The following CTIF variants were observed in gnomAD, a reference collection of about 807,000 sequenced individuals.
CTIF encodes cap binding complex dependent translation initiation factor, also known as CBP80/20-dependent translation initiation factor.
In CTIF, 21 loss-of-function variants were observed where a neutral mutation model predicts 66.0. That is an observed-to-expected ratio of 0.32 (90% CI 0.23 to 0.46). The LOEUF (loss-of-function observed/expected upper bound fraction) is 0.46. Among genes scored for constraint, CTIF ranks in the 20% least tolerant of loss-of-function variants. The pLI, the probability that CTIF is intolerant of heterozygous loss-of-function variation, is 1.00. For synonymous variants in CTIF, 345 were observed against 326.4 expected (o/e 1.06, Z -0.62); for missense variants, 739 against 812.7 (o/e 0.91, Z 1.10).
chr18:48,861,200 C>G lies in CTIF; in HGVS notation c.*1641C>G, dbSNP rs1394705080. On this transcript the variant is annotated 3_prime_UTR_variant, in exon 12 of 12. Transcript: ENST00000256413. ...CTCCAGCTTTCCCTGCAGCTGCAAC[C>G]TGCCCTCTGGTCCCAGGTGTGGAGC... 6.6e-6 allele frequency: 1 copy of G among 152,358 alleles called. No individual in the cohort carries two copies. The highest frequency in any genetic ancestry group is 1.5e-5 in the Non-Finnish European group (1 of 68,156). 9.4% of individuals were successfully genotyped at this position (152,358 alleles called of 1,614,324 possible).
intron 9 of CTIF, among the ~76,000 whole-genome samples, chr18:48,791,912 C>G (rs929104787): frequency 1.3e-5 from 2 of 152,154 alleles, no homozygotes; most frequent in African/African-American, 4.8e-5. Flanking sequence ...AAACTTTAGG[C>G]AACTTTGTTC....
chr18:48,549,801 C>T (rs1057040925), intron 1 of CTIF, among the ~76,000 whole-genome samples: 5 of 152,182 alleles, frequency 3.3e-5, no homozygotes, highest in South Asian at 2.1e-4. Flanking sequence ...CTGGTGCTTT[C>T]GCCTCATCTA....
At chr18:48,764,821 T>C (rs1252758062) in intron 9 of CTIF, among the ~76,000 whole-genome samples, 2 of 152,062 alleles carry the variant, frequency 1.3e-5, no homozygotes, top group African/African-American at 4.8e-5. Flanking sequence ...CCCTTGAGAG[T>C]ATAACCAGAG....
chr18:48,664,437 C>T lies in CTIF; in HGVS notation c.327-10C>T, dbSNP rs773595987. Reference sequence around the variant, plus strand: ...CTTGCCTCCGTTTCTCACCCTCCCTCGCCCTCTAGTGGTGCCACCTGGGAC... The same window carrying T: ...CTTGCCTCCGTTTCTCACCCTCCCTTGCCCTCTAGTGGTGCCACCTGGGAC... On this transcript the variant is annotated splice_polypyrimidine_tract_variant and intron_variant, in intron 4 of 11. Coordinates refer to ENST00000256413, the MANE Select transcript of CTIF (RefSeq NM_014772.3). 41 of 1,610,862 alleles carry T rather than the reference C, an allele frequency of 2.5e-5. No individual in the cohort carries two copies. Among genetic ancestry groups the T allele is most frequent in the East Asian group, 1.6e-4 (7 of 44,880 alleles).
chr18:48,725,862 A>G (rs1214644985), intron 7 of CTIF, among the ~76,000 whole-genome samples: 1 of 152,038 alleles, frequency 6.6e-6, no homozygotes, highest in Non-Finnish European at 1.5e-5. Context: ...GCAAACCCAC[A>G]TTTTGCCTCT....
At chr18:48,847,782 G>A (rs1352956714) in intron 10 of CTIF, among the ~76,000 whole-genome samples, 1 of 152,204 alleles carries the variant, frequency 6.6e-6, no homozygotes, top group African/African-American at 2.4e-5. Flanking sequence ...TGATTAAGTG[G>A]CATGCCAGGG....
chr18:48,654,933 T>C (rs763056501), intron 3 of CTIF, among the ~76,000 whole-genome samples: 15 of 151,600 alleles, frequency 9.9e-5, no homozygotes, highest in Admixed American at 7.2e-4. Flanking sequence ...ATGAGAACAC[T>C]TGGACACAGG....
At chr18:48,588,396 G>C (rs1398920147) in intron 1 of CTIF, among the ~76,000 whole-genome samples, 1 of 152,190 alleles carries the variant, frequency 6.6e-6, no homozygotes, top group African/African-American at 2.4e-5. Context: ...GCACCTGTGT[G>C]CTCCACACCA....
At chr18:48,844,441 A>AGCCCC (rs1012515323) in intron 10 of CTIF, among the ~76,000 whole-genome samples, 4 of 152,216 alleles carry the variant, frequency 2.6e-5, no homozygotes, top group African/African-American at 9.6e-5. Context: ...TTATATTTCC[A>AGCCCC]GCCCCCGGGC....
intron 6 of CTIF, among the ~76,000 whole-genome samples, chr18:48,692,098 T>G (rs1222932248): frequency 6.6e-6 from 1 of 152,182 alleles, no homozygotes; most frequent in African/African-American, 2.4e-5. Context: ...GCCAGGTTGG[T>G]CTCAAACTCC....
chr18:48,728,833 C>T (rs949811782), intron 7 of CTIF, among the ~76,000 whole-genome samples: 1 of 152,152 alleles, frequency 6.6e-6, no homozygotes, highest in Non-Finnish European at 1.5e-5. Flanking sequence ...TCCCTTCTGC[C>T]ATATTCCATT....
chr18:48,589,958 T>G (rs1675746392), intron 1 of CTIF, among the ~76,000 whole-genome samples: 1 of 152,254 alleles, frequency 6.6e-6, no homozygotes, highest in Non-Finnish European at 1.5e-5. Flanking sequence ...CCCTCACTGC[T>G]GGGTTGAGCT....
In CTIF at chr18:48,617,893, G is replaced by T. The variant is rs1160303026; in HGVS notation, c.-28-1645G>T. On this transcript the variant is annotated intron_variant, in intron 1 of 11. Transcript: ENST00000256413. ...AGGGGGCCCAGAGCGAGGCCCTGCA[G>T]CACCTCAGAGCTCCCTGCAGCAGGC... is the stretch of plus-strand genomic sequence containing the variant. Among the ~76,000 whole-genome samples the T allele has an allele frequency of 3.3e-5, 5 of 152,200 alleles. No individual in the cohort carries two copies. The South Asian group carries it at 8.3e-4, about 25-fold the overall frequency.
At chr18:48,741,782 A>T (rs2092556904) in intron 7 of CTIF, among the ~76,000 whole-genome samples, 1 of 152,062 alleles carries the variant, frequency 6.6e-6, no homozygotes, top group South Asian at 2.1e-4. Context: ...AAGTGGACTT[A>T]TGGGGCTGAG....
intron 9 of CTIF, among the ~76,000 whole-genome samples, chr18:48,774,668 AGAAGTCTGT>A (rs1910498388): frequency 6.6e-6 from 1 of 152,154 alleles, no homozygotes; most frequent in Non-Finnish European, 1.5e-5. Context: ...TGTATTCCAG[AGAAGTCTGT>A]ATGCACCCAG....
At chr18:48,604,168 G>GTTTTTTT (rs34544217) in intron 1 of CTIF, among the ~76,000 whole-genome samples, 12 of 63,264 alleles carry the variant, frequency 1.9e-4, no homozygotes, top group South Asian at 8.8e-4. Context: ...TTTTTTAAGG[G>GTTTTTTT]TTTTTTTTTT....
intron 9 of CTIF, among the ~76,000 whole-genome samples, chr18:48,787,227 C>A (rs950943043): frequency 1.3e-5 from 2 of 152,106 alleles, no homozygotes; most frequent in South Asian, 2.1e-4. Context: ...AAGGAGGGGC[C>A]CAGCCCAGGA....
At chr18:48,589,055 A>T (rs963365445) in intron 1 of CTIF, among the ~76,000 whole-genome samples, 1 of 152,058 alleles carries the variant, frequency 6.6e-6, no homozygotes, top group Non-Finnish European at 1.5e-5. Flanking sequence ...TTTTAAGAAA[A>T]CCAGGGCTCT....
In CTIF at chr18:48,679,761, T is replaced by A. The variant is rs190567728; in HGVS notation, c.507+9017T>A. Among the ~76,000 whole-genome samples, 613 of 152,160 alleles carry A rather than the reference T, an allele frequency of 4.0e-3. 3 individuals are homozygous for A. The highest frequency in any genetic ancestry group is 5.2e-3 in the Non-Finnish European group (351 of 68,010). Reference sequence around the variant, plus strand: ...CAGAGGTTTCTTGGTTTTTTGGGGGTCTTGATTCTAGGCCAATTTTGAGGT... The same window carrying A: ...CAGAGGTTTCTTGGTTTTTTGGGGGACTTGATTCTAGGCCAATTTTGAGGT... On this transcript the variant is annotated intron_variant, in intron 6 of 11. Coordinates refer to ENST00000256413, the MANE Select transcript of CTIF (RefSeq NM_014772.3).
Sources: gnomAD v4.1 joint callset for allele counts (sites outside exome capture counted in the v4.1 genomes callset) on GRCh38, gnomAD v4.1.1 for gene constraint, MANE v1.5 for transcripts, NCBI Gene and HGNC (gene_info 2026-07-23, HGNC 2026-07-21) for gene names.